RAPGEF2: variants seen among roughly 807,000 people sequenced by gnomAD.
RAPGEF2 encodes the protein PDZ domain containing guanine nucleotide exchange factor (GEF) 1.
RAPGEF2 carries 54 observed loss-of-function variants against 186.7 expected under a neutral mutation model. That is an observed-to-expected ratio of 0.29 (90% confidence interval 0.23 to 0.36). RAPGEF2 has a LOEUF of 0.36. RAPGEF2 is among the 10% of genes least tolerant of loss of function. The pLI is 1.00. For synonymous variants in RAPGEF2, 712 were observed against 705.9 expected (o/e 1.01, Z -0.14); for missense variants, 1,532 against 2,045.0 (o/e 0.75, Z 4.84).
intron 7 of RAPGEF2, among the ~76,000 whole-genome samples, chr4:159,247,953 G>A (rs146102605): frequency 3.0e-3 from 450 of 151,838 alleles, no homozygotes; most frequent in African/African-American, 8.6e-3. Flanking sequence ...GTAGAGACAA[G>A]GTTTCTCCAT....
rs571986444 is a variant in RAPGEF2, at chr4:159,356,213, T to C, written c.4957+55T>C. 102 of 1,524,238 alleles carry C rather than the reference T, an allele frequency of 6.7e-5. 1 individual carries two copies. In the African/African-American group the frequency reaches 1.3e-3, roughly 19 times the overall value. 94.4% of individuals were successfully genotyped at this position (1,524,238 alleles called of 1,614,324 possible). Reference sequence around the variant, plus strand: ...CCAAGTTAGATGTGTTCACTTGTGCTGCTTCCCAAGGCATTTCTGTTCTCT... The same window carrying C: ...CCAAGTTAGATGTGTTCACTTGTGCCGCTTCCCAAGGCATTTCTGTTCTCT... On this transcript the variant is annotated intron_variant, in intron 29 of 29. Coordinates refer to ENST00000691494, the MANE Select transcript of RAPGEF2 (RefSeq NM_001394067.2).
intron 4 of RAPGEF2, among the ~76,000 whole-genome samples, chr4:159,233,145 G>C (rs557996872): frequency 8.5e-5 from 13 of 152,276 alleles, no homozygotes; most frequent in African/African-American, 2.9e-4. Flanking sequence ...TCGATGCAGA[G>C]TTTTTAATTT....
intron 1 of RAPGEF2, among the ~76,000 whole-genome samples, chr4:159,170,066 C>T (rs1745744268): frequency 6.9e-6 from 1 of 145,504 alleles, no homozygotes; most frequent in African/African-American, 2.6e-5. Flanking sequence ...TTCACATCCT[C>T]TTCAATGCTC....
At chr4:159,203,198 G>A (rs529328194) in intron 3 of RAPGEF2, among the ~76,000 whole-genome samples, 15 of 152,220 alleles carry the variant, frequency 9.9e-5, no homozygotes, top group African/African-American at 3.6e-4. Flanking sequence ...TGCCGAGGAG[G>A]CTCTTAGATC....
chr4:159,151,709 G>A (rs1743553191), intron 1 of RAPGEF2, among the ~76,000 whole-genome samples: 1 of 152,154 alleles, frequency 6.6e-6, no homozygotes, highest in Non-Finnish European at 1.5e-5. Context: ...TGAGAGGTAT[G>A]TAAAGGCCAG....
intron 3 of RAPGEF2, among the ~76,000 whole-genome samples, chr4:159,209,668 G>A (rs1333462135): frequency 2.0e-5 from 3 of 152,198 alleles, no homozygotes; most frequent in African/African-American, 7.2e-5. Flanking sequence ...GTAAGGTTGT[G>A]GGGAAGTAGG....
Position 159,355,972 on chromosome 4 carries a change from G to T in RAPGEF2, c.4771G>T (p.Val1591Leu), listed in dbSNP as rs750688238. ...HPARKPPDYNVALQRSRMVAR... is the reference protein window; with the variant it reads ...HPARKPPDYNLALQRSRMVAR... ...AGCCAGGAAACCGCCGGACTACAAC[G>T]TGGCCCTTCAGAGATCGCGGATGGT... The change falls in exon 29 of 30, where the codon GTG becomes TTG. Residue 1591 changes from valine to leucine, a missense_variant. Val to Leu is a conservative substitution (Grantham distance 32). Coordinates refer to ENST00000691494, the MANE Select transcript of RAPGEF2 (RefSeq NM_001394067.2). 1 of 1,437,568 alleles carries T rather than the reference G, an allele frequency of 7.0e-7. No homozygotes were observed. The highest frequency in any genetic ancestry group is 9.3e-7 in the Non-Finnish European group (1 of 1,070,208). 89.1% of individuals were successfully genotyped at this position (1,437,568 alleles called of 1,614,324 possible).
chr4:159,330,709 C>G, intron 13 of RAPGEF2: 1 of 467,458 alleles, frequency 2.1e-6, no homozygotes, highest in Non-Finnish European at 3.7e-6. Context: ...TTAGTTCAGC[C>G]TTCTTTAAAC....
At chr4:159,352,025 GGGTC>G (rs2111328936) in intron 26 of RAPGEF2, among the ~76,000 whole-genome samples, 1 of 152,254 alleles carries the variant, frequency 6.6e-6, no homozygotes, top group Admixed American at 6.5e-5. Context: ...AGAGAGTTAA[GGGTC>G]CTTTCAGGCC....
intron 4 of RAPGEF2, among the ~76,000 whole-genome samples, chr4:159,211,571 T>C (rs543244474): frequency 5.7e-4 from 87 of 152,338 alleles, no homozygotes; most frequent in African/African-American, 2.0e-3. Context: ...ATTTGAAAGA[T>C]GTGAACAGAT....
chr4:159,120,954 G>A (rs577771071), intron 1 of RAPGEF2, among the ~76,000 whole-genome samples: 6 of 151,786 alleles, frequency 4.0e-5, no homozygotes, highest in Admixed American at 1.3e-4. Context: ...TCCTGGGTTC[G>A]AGCGATTCTC....
intron 1 of RAPGEF2, among the ~76,000 whole-genome samples, chr4:159,144,481 T>C (rs1480262851): frequency 6.6e-6 from 1 of 152,238 alleles, no homozygotes; most frequent in Non-Finnish European, 1.5e-5. Context: ...TTTATTTTGA[T>C]TTGACTAAAG....
At chr4:159,241,032 A>C in intron 5 of RAPGEF2, 169 bp from the exon 6 acceptor site, 1 of 491,222 alleles carries the variant, frequency 2.0e-6, no homozygotes, top group Non-Finnish European at 3.4e-6. Context: ...ACTCAAAACC[A>C]GTTAGTTCCA....
chr4:159,266,493 T>G (rs1385635877), intron 7 of RAPGEF2, among the ~76,000 whole-genome samples: 1 of 152,196 alleles, frequency 6.6e-6, no homozygotes, highest in African/African-American at 2.4e-5. Context: ...TACCTACATA[T>G]GTACATGAAA....
At chr4:159,167,412 C>A (rs942613320) in intron 1 of RAPGEF2, among the ~76,000 whole-genome samples, 1 of 152,062 alleles carries the variant, frequency 6.6e-6, no homozygotes, top group Non-Finnish European at 1.5e-5. Context: ...AGAATAGATG[C>A]GATATCTTAG....
chr4:159,220,347 G>A (rs1452779675), intron 4 of RAPGEF2, among the ~76,000 whole-genome samples: 1 of 152,008 alleles, frequency 6.6e-6, no homozygotes. Flanking sequence ...TTGCAGAAGT[G>A]GATGAAATTC....
chr4:159,161,766 C>T (rs1384159215), intron 1 of RAPGEF2, among the ~76,000 whole-genome samples: 3 of 152,156 alleles, frequency 2.0e-5, no homozygotes, highest in Non-Finnish European at 4.4e-5. Flanking sequence ...TAGTTAATCA[C>T]AGCCAAACAT....
intron 4 of RAPGEF2, among the ~76,000 whole-genome samples, chr4:159,210,798 C>G (rs1750443854): frequency 6.6e-6 from 1 of 152,182 alleles, no homozygotes; most frequent in Admixed American, 6.5e-5. Flanking sequence ...AGAAAACATG[C>G]TGATGACATG....
At chr4:159,351,204 T>C (rs1246795182) in intron 26 of RAPGEF2, 3 of 1,528,930 alleles carry the variant, frequency 2.0e-6, no homozygotes, top group Non-Finnish European at 2.6e-6. Context: ...GAACCAAAAA[T>C]GGGGTGGGAA....
Sources: allele counts gnomAD v4.1 joint callset (sites outside exome capture counted in the v4.1 genomes callset), GRCh38; gene constraint gnomAD v4.1.1; transcripts MANE v1.5; gene names NCBI Gene and HGNC (gene_info 2026-07-23, HGNC 2026-07-21).